Variants in PDE10A observed in about 807,000 individuals in gnomAD.
The protein encoded by PDE10A is phosphodiesterase 10A.
Under a neutral mutation model 97.7 loss-of-function variants are expected in PDE10A, and 39 were observed. That is an observed-to-expected ratio of 0.40 (90% confidence interval 0.31 to 0.52). PDE10A has a LOEUF of 0.52. PDE10A is among the 20% of genes least tolerant of loss of function. The pLI, the probability that PDE10A is intolerant of heterozygous loss-of-function variation, is 0.56. For synonymous variants in PDE10A, 371 were observed against 376.8 expected (o/e 0.98, Z 0.18); for missense variants, 731 against 1,047.8 (o/e 0.70, Z 4.17).
At chr6:165,624,035 C>G (rs1788272314) in intron 1 of PDE10A, among the ~76,000 whole-genome samples, 1 of 152,218 alleles carries the variant, frequency 6.6e-6, no homozygotes, top group Non-Finnish European at 1.5e-5. Context: ...GCCAAGGCCT[C>G]CTCATCAAAC....
rs575905722 is a variant in PDE10A at position 165,503,522 on chromosome 6, C to A, written c.995-21179G>T. 7.9e-5 allele frequency among the ~76,000 whole-genome samples: 12 copies of A among 152,212 alleles called. No individual in the cohort carries two copies. The South Asian group carries it at 2.1e-3, about 26-fold the overall frequency. On this transcript the variant is annotated intron_variant, in intron 2 of 21. Transcript: ENST00000539869. ...AGGACAGCCACAGGTCTCTGCCCAT[C>A]AAGAAATAACAGGCCTTGGAAACGT...
At chr6:165,946,834 A>C (rs1235440520) in intron 1 of PDE10A, 1 of 152,258 alleles carries the variant, frequency 6.6e-6, no homozygotes, top group Non-Finnish European at 1.5e-5. Context: ...TATTGAATAT[A>C]ATTCAGATAT....
Position 165,410,390 on chromosome 6 carries a change from T to G in PDE10A, c.2076+3111A>C, listed in dbSNP as rs1235730313. 2.0e-5 allele frequency among the ~76,000 whole-genome samples: 3 copies of G among 152,120 alleles called. No homozygotes were observed. In the East Asian group the frequency reaches 5.8e-4, roughly 29 times the overall value. ...ATGGAAGCAATTCTTACAGCTTCCT[T>G]AAAAAATAAGAGGGACAAGTTGGAA... is the stretch of plus-strand genomic sequence containing the variant. On this transcript the variant is annotated intron_variant, in intron 13 of 21. Coordinates refer to ENST00000539869, the MANE Select transcript of PDE10A (RefSeq NM_001385079.1).
intron 1 of PDE10A, among the ~76,000 whole-genome samples, chr6:165,651,300 T>C (rs974141050): frequency 7.9e-5 from 12 of 152,270 alleles, no homozygotes; most frequent in African/African-American, 2.9e-4. Flanking sequence ...CGTTGTGATT[T>C]GTCTTGTTCA....
intron 1 of PDE10A, among the ~76,000 whole-genome samples, chr6:165,626,319 G>A (rs546321982): frequency 3.9e-5 from 6 of 152,226 alleles, no homozygotes; most frequent in Admixed American, 1.3e-4. Context: ...ATTTCCATTC[G>A]CTGAGTATGT....
chr6:165,776,888 G>A (rs1239510786), intron 1 of PDE10A, among the ~76,000 whole-genome samples: 4 of 152,210 alleles, frequency 2.6e-5, no homozygotes, highest in Non-Finnish European at 5.9e-5. Flanking sequence ...TCAGCCTCAG[G>A]ACTGAAATCG....
At chr6:165,337,443 C>T (rs1473399310) in intron 20 of PDE10A, among the ~76,000 whole-genome samples, 1 of 152,192 alleles carries the variant, frequency 6.6e-6, no homozygotes, top group Non-Finnish European at 1.5e-5. Context: ...TAAAGTCTAT[C>T]GTCATAGCAC....
At chr6:165,774,675 T>A (rs1778116971) in intron 1 of PDE10A, among the ~76,000 whole-genome samples, 1 of 149,322 alleles carries the variant, frequency 6.7e-6, no homozygotes, top group Non-Finnish European at 1.5e-5. Context: ...AGTTACTGCT[T>A]CTGGAGAGGG....
intron 1 of PDE10A, among the ~76,000 whole-genome samples, chr6:165,716,951 G>C (rs528440104): frequency 2.0e-5 from 3 of 152,028 alleles, no homozygotes; most frequent in African/African-American, 7.3e-5. Flanking sequence ...AACACTTTTC[G>C]TCTTGCAAAA....
At chr6:165,600,332 C>T (rs1786869353) in intron 1 of PDE10A, among the ~76,000 whole-genome samples, 1 of 152,166 alleles carries the variant, frequency 6.6e-6, no homozygotes, top group South Asian at 2.1e-4. Flanking sequence ...GGACGATTGT[C>T]CAGGAAAATG....
intron 1 of PDE10A, among the ~76,000 whole-genome samples, chr6:165,763,175 T>C (rs539546718): frequency 1.3e-5 from 2 of 152,324 alleles, no homozygotes; most frequent in African/African-American, 4.8e-5. Context: ...TGCGTGTGTA[T>C]GGCTGCCCTC....
chr6:165,417,936 A>T (rs220741), intron 11 of PDE10A, among the ~76,000 whole-genome samples: 36,244 of 152,156 alleles, frequency 0.24, 4,930 homozygotes, highest in African/African-American at 0.36. Flanking sequence ...ATACAGCAAA[A>T]GAAATGCAAA....
intron 1 of PDE10A, among the ~76,000 whole-genome samples, chr6:165,878,470 T>C (rs1031920471): frequency 6.6e-6 from 1 of 152,188 alleles, no homozygotes. Flanking sequence ...GTCAACATCA[T>C]CCTCACTTAA....
At chr6:165,644,078 C>T (rs557645780) in intron 1 of PDE10A, among the ~76,000 whole-genome samples, 12 of 152,098 alleles carry the variant, frequency 7.9e-5, no homozygotes, top group Non-Finnish European at 1.6e-4. Flanking sequence ...TTTTTTGAGA[C>T]AGAGTCTCCC....
rs1792911776 is a variant in PDE10A at position 165,749,189 on chromosome 6, G to GACCACCA, written c.-614-205622_-614-205621insTGGTGGT. On this transcript the variant is annotated intron_variant, in intron 1 of 19. Transcript: ENST00000366882. ...CATCACCACCATTAACACTATCACT[G>GACCACCA]TCATCACCATCACCATCATCACCAT... 1.2e-3 allele frequency among the ~76,000 whole-genome samples: 3 copies of GACCACCA among 2,444 alleles called. 1 individual carries two copies. The highest frequency in any genetic ancestry group is 2.6e-3 in the African/African-American group (2 of 782). 1.6% of individuals were successfully genotyped at this position (2,444 alleles called of 152,430 possible). A position where few individuals can be genotyped will look rare whatever the true frequency, so the allele number is the denominator to read the frequency against.
chr6:165,419,983 T>C (rs1406001348), intron 10 of PDE10A, among the ~76,000 whole-genome samples: 1 of 152,222 alleles, frequency 6.6e-6, no homozygotes, highest in African/African-American at 2.4e-5. Context: ...TTGTACTCAC[T>C]GCTACTATAC....
intron 1 of PDE10A, among the ~76,000 whole-genome samples, chr6:165,924,410 T>A (rs1233257936): frequency 6.6e-6 from 1 of 152,174 alleles, no homozygotes; most frequent in Non-Finnish European, 1.5e-5. Context: ...CAGTTCATGG[T>A]TTCCATGTTG....
intron 5 of PDE10A, among the ~76,000 whole-genome samples, chr6:165,438,139 G>A (rs769558099): frequency 1.4e-4 from 21 of 152,066 alleles, no homozygotes; most frequent in Admixed American, 8.5e-4. Flanking sequence ...TCATTGAACT[G>A]CCACCTTCAT....
chr6:165,484,593 G>T (rs1290917881), intron 2 of PDE10A, among the ~76,000 whole-genome samples: 1 of 152,176 alleles, frequency 6.6e-6, no homozygotes, highest in African/African-American at 2.4e-5. Context: ...TGCAAATACA[G>T]ATTAACATTA....
Sources: gnomAD v4.1 joint callset for allele counts (sites outside exome capture counted in the v4.1 genomes callset) on GRCh38, gnomAD v4.1.1 for gene constraint, MANE v1.5 for transcripts, NCBI Gene and HGNC (gene_info 2026-07-23, HGNC 2026-07-21) for gene names.